Variants in BCL11B observed in about 807,000 individuals in gnomAD.
The protein encoded by BCL11B is BCL11 transcription factor B.
A neutral mutation model predicts 49.9 loss-of-function variants in BCL11B; 8 were observed. That is an observed-to-expected ratio of 0.16 (90% CI 0.09 to 0.29). The LOEUF (loss-of-function observed/expected upper bound fraction) is 0.29, where lower values mean the gene tolerates loss of function less well. Among genes scored for constraint, BCL11B ranks in the 10% least tolerant of loss-of-function variants. BCL11B has a pLI of 1.00. For missense variants in BCL11B, 1,006 were observed against 1,351.0 expected (o/e 0.74, Z 4.00); for synonymous variants, 739 against 637.4 (o/e 1.16, Z -2.40).
At position 99,192,231 on chromosome 14, in the gene BCL11B, C is replaced by T. The variant is rs974917111; in HGVS notation, c.641-16036G>A. On this transcript the variant is annotated intron_variant, in intron 3 of 3. Transcript: ENST00000357195. The surrounding 1 kb of genome is among the most constrained non-coding windows in gnomAD (Gnocchi z 4.0). ...GCTGTTCATAATACTGTCTTGGCAG[C>T]GTTTCCTTGGAGCGCACACGGTGAA... Among the ~76,000 whole-genome samples the T allele has an allele frequency of 1.3e-5, 2 of 152,186 alleles. No homozygotes were observed. The highest frequency in any genetic ancestry group is 1.9e-4 in the East Asian group (1 of 5,186).
intron 1 of BCL11B, among the ~76,000 whole-genome samples, chr14:99,261,711 C>A (rs1340092673): frequency 6.6e-6 from 1 of 152,092 alleles, no homozygotes; most frequent in Non-Finnish European, 1.5e-5. Context: ...TATTGCTGCT[C>A]TCAATATATT....
intron 2 of BCL11B, among the ~76,000 whole-genome samples, chr14:99,254,291 C>T (rs774210919): frequency 1.1e-4 from 17 of 152,216 alleles, no homozygotes; most frequent in Non-Finnish European, 2.1e-4. Context: ...AGTAATTACT[C>T]TCCAGAATGA....
In BCL11B at chr14:99,198,094, G is replaced by A. The variant is rs528852281; in HGVS notation, c.641-21899C>T. On this transcript the variant is annotated intron_variant, in intron 3 of 3. Transcript: ENST00000357195. ...GGAGGAGGAGCTAATGAAACCACAA[G>A]GTTGGCAGAGGCTGCCGATGCAGGG... Among the ~76,000 whole-genome samples the A allele has an allele frequency of 4.8e-4, 73 of 152,324 alleles. 1 individual carries two copies. Among genetic ancestry groups the A allele is most frequent in the Middle Eastern group, 3.4e-3 (1 of 294 alleles).
intron 2 of BCL11B, among the ~76,000 whole-genome samples, chr14:99,233,662 G>A (rs1888402668): frequency 6.6e-6 from 1 of 152,218 alleles, no homozygotes; most frequent in African/African-American, 2.4e-5. Flanking sequence ...AACCGTTGCA[G>A]AGCAGGTAGA....
chr14:99,218,595 G>A (rs938181607), intron 3 of BCL11B, among the ~76,000 whole-genome samples: 6 of 152,196 alleles, frequency 3.9e-5, no homozygotes, highest in Non-Finnish European at 8.8e-5. Context: ...CAGCTTCAAT[G>A]CAGGAGACAT....
rs374549866 is a variant in BCL11B, at chr14:99,175,041, T to C, written c.1795A>G (p.Met599Val). 2.8e-5 allele frequency: 44 copies of C among 1,597,566 alleles called. No homozygotes were observed. The highest frequency in any genetic ancestry group is 3.3e-5 in the Non-Finnish European group (39 of 1,176,980). The change falls in exon 4 of 4, where the codon ATG (methionine) becomes GTG (valine). Residue 599 changes from methionine (M) to valine (V), a missense_variant. Around this residue, in one of 6 missense-constraint regions of BCL11B, gnomAD observed 443 missense variants for 499.7 expected, o/e 0.89. Transcript: ENST00000357195. ...DEKALVLGKV[M>V]ENVGLGALPQ... is the part of the protein sequence containing the mutation. ...AGTGCGCCTAGGCCCACGTTCTCCA[T>C]GACCTTGCCCAGCACCAGCGCCTTC... is the stretch of plus-strand genomic sequence containing the variant.
chr14:99,243,657 G>A (rs941444430), intron 2 of BCL11B, among the ~76,000 whole-genome samples: 1 of 152,060 alleles, frequency 6.6e-6, no homozygotes, highest in Admixed American at 6.5e-5. Flanking sequence ...CTTTAACAAC[G>A]ACACGGCCCC....
chr14:99,238,096 C>T (rs113906227), intron 2 of BCL11B, among the ~76,000 whole-genome samples: 1 of 152,118 alleles, frequency 6.6e-6, no homozygotes, highest in African/African-American at 2.4e-5. Flanking sequence ...CTGCACCCAC[C>T]GTGAGAAGGC....
intron 3 of BCL11B, among the ~76,000 whole-genome samples, chr14:99,203,461 G>A (rs1887444052): frequency 6.6e-6 from 1 of 152,190 alleles, no homozygotes; most frequent in African/African-American, 2.4e-5. Context: ...AGTTCAAAGA[G>A]GTTAACGAAA....
chr14:99,189,007 A>C (rs1272591870), intron 3 of BCL11B, among the ~76,000 whole-genome samples: 1 of 152,192 alleles, frequency 6.6e-6, no homozygotes, highest in Admixed American at 6.5e-5. Context: ...CTCAATAAGA[A>C]CTCGAGCTGA....
intron 3 of BCL11B, among the ~76,000 whole-genome samples, chr14:99,204,069 G>T (rs1377121906): frequency 6.6e-6 from 1 of 152,176 alleles, no homozygotes; most frequent in Non-Finnish European, 1.5e-5. Context: ...TCTACCCAGT[G>T]CCTGAAGCAT....
chr14:99,245,791 C>G (rs886992125), intron 2 of BCL11B, among the ~76,000 whole-genome samples: 1 of 152,068 alleles, frequency 6.6e-6, no homozygotes, highest in African/African-American at 2.4e-5. Context: ...GGAGGAGGGG[C>G]GGCCCCGTGC....
rs554265993 is a variant in BCL11B, at chr14:99,255,765, C to T, written c.427+1706G>A. 2.0e-5 allele frequency among the ~76,000 whole-genome samples: 3 copies of T among 152,376 alleles called. No homozygotes were observed. The East Asian group carries it at 5.8e-4, about 29-fold the overall frequency. On this transcript the variant is annotated intron_variant, in intron 2 of 3. Transcript: ENST00000357195. ...CAAAGACAAAAGGGACCCAGCACCT[C>T]TCTCGCCTGATGGCTCAGCCCGGTG...
chr14:99,223,087 G>A (rs1260721660), intron 3 of BCL11B, among the ~76,000 whole-genome samples: 1 of 152,126 alleles, frequency 6.6e-6, no homozygotes, highest in Non-Finnish European at 1.5e-5. Flanking sequence ...TTCTCCTTTA[G>A]GAAAAAGTAG....
chr14:99,220,240 C>T (rs185232883), intron 3 of BCL11B, among the ~76,000 whole-genome samples: 5 of 152,238 alleles, frequency 3.3e-5, no homozygotes, highest in East Asian at 3.9e-4. Flanking sequence ...ACTCCACTTC[C>T]GCAGAAACTC....
At position 99,175,603 on chromosome 14, in the gene BCL11B, GGGC is replaced by G. The variant is rs755269888; in HGVS notation, c.1230_1232del (p.Pro411del). On this transcript the variant is annotated inframe_deletion, in exon 4 of 4. Transcript: ENST00000357195. ...GGGGCGGCGTGCCGCCAGGGGGCAT[GGGC>G]GGCAGCGGCGGCGTGCTCAGGAACG... 1 of 1,568,416 alleles carries G rather than the reference GGGC, an allele frequency of 6.4e-7. No individual in the cohort carries two copies. The highest frequency in any genetic ancestry group is 8.6e-7 in the Non-Finnish European group (1 of 1,163,054).
chr14:99,234,476 C>CA (rs1017129859), intron 2 of BCL11B, among the ~76,000 whole-genome samples: 4 of 152,296 alleles, frequency 2.6e-5, no homozygotes, highest in African/African-American at 4.8e-5. Context: ...TGCACCCACA[C>CA]ACGCACAGAG....
chr14:99,232,043 C>G lies in BCL11B; in HGVS notation c.428-486G>C, dbSNP rs377583608. Among the ~76,000 whole-genome samples, 2 of 152,094 alleles carry G rather than the reference C, an allele frequency of 1.3e-5. No individual in the cohort carries two copies. The highest frequency in any genetic ancestry group is 2.1e-4 in the South Asian group (1 of 4,830). On this transcript the variant is annotated intron_variant, in intron 2 of 3. Transcript: ENST00000357195. The surrounding 1 kb of genome is among the most constrained non-coding windows in gnomAD (Gnocchi z 5.1). ...CTACAGGCCCGGGACACCTTGGGTC[C>G]GCCTCCAGCCTTGGGTCCGCCTCCA...
At position 99,194,474 on chromosome 14, in the gene BCL11B, T is replaced by C; in HGVS notation, c.641-18279A>G. 6.6e-6 allele frequency among the ~76,000 whole-genome samples: 1 copy of C among 152,188 alleles called. No homozygotes were observed. Among genetic ancestry groups the C allele is most frequent in the Non-Finnish European group, 1.5e-5 (1 of 68,020 alleles). On this transcript the variant is annotated intron_variant, in intron 3 of 3. Transcript: ENST00000357195. This position sits in a 1 kb window ranked among gnomAD's most constrained non-coding sequence, Gnocchi z 4.6. ...GCCCTGTGGGGCACCCAGAACCCCA[T>C]CCAGTGTTGCCCATGCACCTTGAAC...
Sources: gnomAD v4.1 joint callset for allele counts (sites outside exome capture counted in the v4.1 genomes callset) on GRCh38, gnomAD v4.1.1 for gene constraint, gnomAD v4.1.1 regional missense constraint, Gnocchi (gnomAD v3.1) non-coding constraint, MANE v1.5 for transcripts, NCBI Gene and HGNC (gene_info 2026-07-23, HGNC 2026-07-21) for gene names.